The following DPP6 variants were observed in gnomAD, a reference collection of about 807,000 sequenced individuals.
The protein encoded by DPP6 is A-type potassium channel modulatory protein DPP6.
In DPP6, 69 loss-of-function variants were observed where a neutral mutation model predicts 122.6. That is an observed-to-expected ratio of 0.56 (90% confidence interval 0.46 to 0.69). The LOEUF (loss-of-function observed/expected upper bound fraction) is 0.69. DPP6 is among the 30% of genes least tolerant of loss of function. DPP6 has a pLI of 0.00. For missense variants in DPP6, 928 were observed against 1,116.9 expected, an observed-to-expected ratio of 0.83 and a Z score of 2.41; for synonymous variants, 418 against 433.1, an observed-to-expected ratio of 0.97 and a Z score of 0.43.
intron 1 of DPP6, among the ~76,000 whole-genome samples, chr7:154,437,191 A>G (rs769344816): frequency 1.3e-4 from 20 of 152,262 alleles, no homozygotes; most frequent in South Asian, 1.0e-3. Context: ...GCAGCCAATC[A>G]TTTCTCTGAT....
chr7:153,936,476 G>C (rs1383009732), intron 1 of DPP6, among the ~76,000 whole-genome samples: 1 of 152,056 alleles, frequency 6.6e-6, no homozygotes. Context: ...CTTCCCGCAC[G>C]TAGACAGAGT....
At chr7:153,877,251 G>A in the DPP6 span, among the ~76,000 whole-genome samples, 1 of 151,832 alleles carries the variant, frequency 6.6e-6, no homozygotes, top group Non-Finnish European at 1.5e-5. Context: ...CTTACCTTAA[G>A]ACACAAATAA....
intron 7 of DPP6, among the ~76,000 whole-genome samples, chr7:154,721,833 G>C (rs1459817418): frequency 6.6e-6 from 1 of 152,040 alleles, no homozygotes; most frequent in Non-Finnish European, 1.5e-5. Flanking sequence ...TACGTACTTT[G>C]AGTTGGTTGA....
chr7:154,257,541 C>CA (rs1563377638), intron 1 of DPP6, among the ~76,000 whole-genome samples: 2 of 151,820 alleles, frequency 1.3e-5, no homozygotes, highest in Non-Finnish European at 2.9e-5. Context: ...CTAAAAAATA[C>CA]AAAAAAATTA....
chr7:153,784,338 G>A, the DPP6 span, among the ~76,000 whole-genome samples: 74 of 152,176 alleles, frequency 4.9e-4, no homozygotes, highest in Non-Finnish European at 3.8e-4. Context: ...TCTTGAATTC[G>A]GAATCACATG....
At chr7:154,391,136 G>A (rs1308088162) in intron 1 of DPP6, among the ~76,000 whole-genome samples, 1 of 152,216 alleles carries the variant, frequency 6.6e-6, no homozygotes, top group Admixed American at 6.5e-5. Context: ...ACTGTCCGCC[G>A]CGCGGCATCC....
At position 154,438,469 on chromosome 7, in the gene DPP6, C is replaced by CAAAAAAAAAAAAAAAAAA. The variant is rs58978160; in HGVS notation, c.244-7734_244-7717dup. ...TGGGTGACAGAGTGAGACTCCAACTCAAAAAAAAAAAAAAAAAAAAAAAAA... is the reference window on the plus strand; with the variant it reads ...TGGGTGACAGAGTGAGACTCCAACTCAAAAAAAAAAAAAAAAAAAAAAAAAAAAAAAAAAAAAAAAAAA... On this transcript the variant is annotated intron_variant, in intron 1 of 25. Coordinates refer to ENST00000377770, the MANE Select transcript of DPP6 (RefSeq NM_130797.4). Among the ~76,000 whole-genome samples, 4 of 37,472 alleles carry CAAAAAAAAAAAAAAAAAA rather than the reference C, an allele frequency of 1.1e-4. 1 individual carries two copies. Among genetic ancestry groups the CAAAAAAAAAAAAAAAAAA allele is most frequent in the Non-Finnish European group, 1.4e-4 (3 of 20,716 alleles). 24.6% of individuals were successfully genotyped at this position (37,472 alleles called of 152,430 possible). A position where few individuals can be genotyped will look rare whatever the true frequency, so the allele number is the denominator to read the frequency against.
At chr7:154,585,832 C>T (rs1358289968) in intron 5 of DPP6, among the ~76,000 whole-genome samples, 2 of 151,958 alleles carry the variant, frequency 1.3e-5, no homozygotes, top group Non-Finnish European at 2.9e-5. Context: ...TCTCACAATA[C>T]TCAGGGCCGA....
At chr7:154,106,546 G>A (rs1585390122) in intron 1 of DPP6, among the ~76,000 whole-genome samples, 1 of 139,720 alleles carries the variant, frequency 7.2e-6, no homozygotes, top group African/African-American at 2.7e-5. Context: ...GAGGTAAGAG[G>A]CAGTGGGTAG....
intron 1 of DPP6, among the ~76,000 whole-genome samples, chr7:153,963,463 C>T (rs537599650): frequency 6.8e-6 from 1 of 146,958 alleles, no homozygotes; most frequent in Non-Finnish European, 1.5e-5. Flanking sequence ...AAAAGCATCC[C>T]GCTTCAAGAG....
chr7:154,343,936 G>A (rs926200409), intron 1 of DPP6, among the ~76,000 whole-genome samples: 6 of 152,160 alleles, frequency 3.9e-5, no homozygotes, highest in Admixed American at 2.0e-4. Context: ...GGCTGGTATC[G>A]AAATCCTGAC....
the DPP6 span, among the ~76,000 whole-genome samples, chr7:153,870,339 C>T: frequency 5.3e-5 from 8 of 152,106 alleles, no homozygotes; most frequent in Non-Finnish European, 8.8e-5. Context: ...TCTTGGAGGA[C>T]TTGTTTGTTT....
At chr7:154,890,940 G>A (rs1238105060) in intron 25 of DPP6, 2 of 152,202 alleles carry the variant, frequency 1.3e-5, no homozygotes, top group African/African-American at 2.4e-5. Flanking sequence ...AAAGATGTAG[G>A]TTTTGGGCCA....
At chr7:154,841,826 C>T (rs1358233331) in intron 16 of DPP6, among the ~76,000 whole-genome samples, 1 of 151,970 alleles carries the variant, frequency 6.6e-6, no homozygotes, top group Admixed American at 6.6e-5. Flanking sequence ...GTTCCCTGGA[C>T]ACATAAAATT....
chr7:154,557,840 A>G (rs1830154844), intron 4 of DPP6, among the ~76,000 whole-genome samples: 1 of 152,158 alleles, frequency 6.6e-6, no homozygotes, highest in African/African-American at 2.4e-5. Context: ...AGAGTTCAAG[A>G]AAAGAAGATG....
intron 1 of DPP6, among the ~76,000 whole-genome samples, chr7:154,006,439 C>A (rs1451117289): frequency 1.3e-5 from 2 of 152,118 alleles, no homozygotes; most frequent in Non-Finnish European, 2.9e-5. Flanking sequence ...TTTGTAGATT[C>A]TTTCTGAATG....
At chr7:154,795,821 T>C (rs1401614737) in intron 11 of DPP6, 24 bp from the exon 12 acceptor site, 1 of 1,602,966 alleles carries the variant, frequency 6.2e-7, no homozygotes, top group Non-Finnish European at 8.5e-7. Flanking sequence ...AACCCTCTTG[T>C]CTAATGCTCT....
intron 16 of DPP6, among the ~76,000 whole-genome samples, chr7:154,822,353 C>T (rs1030604251): frequency 1.3e-5 from 2 of 152,184 alleles, no homozygotes; most frequent in African/African-American, 4.8e-5. Flanking sequence ...TGCTATCTCG[C>T]TGCGTCCTCA....
At chr7:154,138,401 T>C (rs1795686174) in intron 1 of DPP6, among the ~76,000 whole-genome samples, 1 of 152,206 alleles carries the variant, frequency 6.6e-6, no homozygotes, top group South Asian at 2.1e-4. Flanking sequence ...CTCCAGATGC[T>C]CAAAGCTTGA....
Sources: gnomAD v4.1 joint callset for allele counts (sites outside exome capture counted in the v4.1 genomes callset) on GRCh38, gnomAD v4.1.1 for gene constraint, MANE v1.5 for transcripts, NCBI Gene and HGNC (gene_info 2026-07-23, HGNC 2026-07-21) for gene names.